CCDC149: variants seen among roughly 807,000 people sequenced by gnomAD.
The protein encoded by CCDC149 is coiled-coil domain-containing protein 149.
In CCDC149, 45 loss-of-function variants were observed where a neutral mutation model predicts 59.9. The ratio of observed to expected loss-of-function variants is 0.75; its 90% CI spans 0.59 to 0.96. The LOEUF is 0.96. Ranked by LOEUF, CCDC149 falls within the 40% of genes least tolerant of loss-of-function variation. CCDC149 has a pLI of 0.00. For missense variants in CCDC149, 584 were observed against 664.7 expected (o/e 0.88, Z 1.33); for synonymous variants, 245 against 260.6 (o/e 0.94, Z 0.58).
intron 1 of CCDC149, among the ~76,000 whole-genome samples, chr4:24,965,865 C>T (rs372383009): frequency 2.0e-5 from 3 of 152,198 alleles, no homozygotes; most frequent in Admixed American, 6.5e-5. Flanking sequence ...CGCAAAACCC[C>T]GCACGTTATG....
At chr4:24,901,105 C>A (rs537696774) in intron 1 of CCDC149, among the ~76,000 whole-genome samples, 10 of 152,242 alleles carry the variant, frequency 6.6e-5, no homozygotes, top group South Asian at 6.2e-4. Context: ...AAATATGATA[C>A]CCTGAACAGT....
chr4:24,874,501 G>A (rs1168545754), intron 2 of CCDC149, among the ~76,000 whole-genome samples: 2 of 151,970 alleles, frequency 1.3e-5, no homozygotes, highest in Non-Finnish European at 2.9e-5. Flanking sequence ...AGAATTGCTT[G>A]TACCCAGGAG....
intron 1 of CCDC149, among the ~76,000 whole-genome samples, chr4:24,943,810 C>G (rs1723020041): frequency 6.6e-6 from 1 of 152,150 alleles, no homozygotes; most frequent in Non-Finnish European, 1.5e-5. Flanking sequence ...ACACATGAAA[C>G]AATGCTCATC....
At chr4:24,813,489 A>AATATATCTATATCTATATCTATCTATCT (rs1186488610) in intron 12 of CCDC149, among the ~76,000 whole-genome samples, 1 of 113,734 alleles carries the variant, frequency 8.8e-6, no homozygotes, top group African/African-American at 4.0e-5. Flanking sequence ...CAGCTTGGGG[A>AATATATCTATATCTATATCTATCTATCT]ATATATATAT....
chr4:24,964,192 T>TAAAAAAAAAAA (rs377278394), intron 1 of CCDC149, among the ~76,000 whole-genome samples: 6 of 119,206 alleles, frequency 5.0e-5, no homozygotes, highest in African/African-American at 1.3e-4. Flanking sequence ...AGACCCTATC[T>TAAAAAAAAAAA]AAAAAAAAAA....
chr4:24,950,200 C>T (rs1355412069), intron 1 of CCDC149, among the ~76,000 whole-genome samples: 1 of 152,206 alleles, frequency 6.6e-6, no homozygotes, highest in Non-Finnish European at 1.5e-5. Context: ...AGTGAGAATG[C>T]AAAGGCTGTG....
At chr4:24,976,931 C>G (rs1337804770) in intron 1 of CCDC149, among the ~76,000 whole-genome samples, 1 of 152,120 alleles carries the variant, frequency 6.6e-6, no homozygotes, top group Non-Finnish European at 1.5e-5. Context: ...CTCTGCGCTT[C>G]CCAGGATGCC....
intron 1 of CCDC149, 44 bp from the exon 2 acceptor site, chr4:24,876,741 G>C: frequency 6.4e-7 from 1 of 1,556,952 alleles, no homozygotes; most frequent in Non-Finnish European, 8.7e-7. Context: ...AAACATCCAT[G>C]GGCCTCCATT....
At chr4:24,912,792 C>G in intron 1 of CCDC149, 25 bp downstream of exon 1, 3 of 1,303,602 alleles carry the variant, frequency 2.3e-6, no homozygotes, top group Non-Finnish European at 3.0e-6. Context: ...CGGCCCATCC[C>G]GCCTGGCCGG....
At chr4:24,949,996 G>C (rs1723237151) in intron 1 of CCDC149, among the ~76,000 whole-genome samples, 2 of 152,232 alleles carry the variant, frequency 1.3e-5, no homozygotes, top group Admixed American at 1.3e-4. Flanking sequence ...CCAAGGATCA[G>C]AGAGTTTGGC....
intron 1 of CCDC149, among the ~76,000 whole-genome samples, chr4:24,964,156 T>C (rs1723726477): frequency 6.9e-6 from 1 of 144,976 alleles, no homozygotes; most frequent in African/African-American, 2.6e-5. Context: ...ATCACACTAC[T>C]GTACTCTAGC....
At chr4:24,922,694 T>C (rs1248076407) in intron 1 of CCDC149, among the ~76,000 whole-genome samples, 2 of 152,142 alleles carry the variant, frequency 1.3e-5, no homozygotes, top group East Asian at 3.9e-4. Context: ...TTCAAGGAGA[T>C]ACTACAAAGG....
At chr4:24,838,492 C>A (rs1374461530) in intron 4 of CCDC149, among the ~76,000 whole-genome samples, 1 of 152,134 alleles carries the variant, frequency 6.6e-6, no homozygotes, top group Admixed American at 6.5e-5. Context: ...GGCCTGGGCA[C>A]TCTAGGCTGG....
intron 1 of CCDC149, among the ~76,000 whole-genome samples, chr4:24,891,907 G>C (rs1338505542): frequency 6.6e-6 from 1 of 152,096 alleles, no homozygotes; most frequent in Non-Finnish European, 1.5e-5. Flanking sequence ...GCTGAGGTGG[G>C]AGGATCCCTT....
In CCDC149 at chr4:24,806,437, A is replaced by C. The variant is rs1217547982; in HGVS notation, c.*1952T>G. 3 of 152,228 alleles carry C rather than the reference A, an allele frequency of 2.0e-5. No individual in the cohort carries two copies. The highest frequency in any genetic ancestry group is 4.4e-5 in the Non-Finnish European group (3 of 68,046). The allele number at this position is 152,228 out of a possible 1,614,324, so 9.4% of individuals were successfully genotyped here. A position where few individuals can be genotyped will look rare whatever the true frequency, so the allele number is the denominator to read the frequency against. On this transcript the variant is annotated 3_prime_UTR_variant, in exon 13 of 13. Coordinates refer to ENST00000635206, the MANE Select transcript of CCDC149 (RefSeq NM_001330643.2). ...GAGCCCTGCTTTTCAGAAGGTGCTC[A>C]ACAGGCCCTGAAGATGTGCATCTGG...
chr4:24,821,765 A>G (rs957971565), intron 10 of CCDC149, among the ~76,000 whole-genome samples: 7 of 152,212 alleles, frequency 4.6e-5, no homozygotes, highest in African/African-American at 1.7e-4. Flanking sequence ...AAGAGTAAAA[A>G]GTCAATGGGG....
intron 1 of CCDC149, among the ~76,000 whole-genome samples, chr4:24,948,915 G>A (rs1030210619): frequency 1.3e-5 from 2 of 152,138 alleles, no homozygotes; most frequent in African/African-American, 2.4e-5. Flanking sequence ...CTCTCTCTTT[G>A]CCATCCACTA....
intron 1 of CCDC149, among the ~76,000 whole-genome samples, chr4:24,911,573 C>G (rs998783445): frequency 1.3e-5 from 2 of 152,200 alleles, no homozygotes; most frequent in Admixed American, 6.5e-5. Context: ...CCCAGAGGAT[C>G]TGCCCCTTAA....
chr4:24,847,257 C>A (rs570951694), intron 4 of CCDC149, among the ~76,000 whole-genome samples: 2 of 152,294 alleles, frequency 1.3e-5, no homozygotes, highest in East Asian at 3.9e-4. Flanking sequence ...AATATGGGCG[C>A]ATGTTATGCT....
Sources: gnomAD v4.1 joint callset for allele counts (sites outside exome capture counted in the v4.1 genomes callset) on GRCh38, gnomAD v4.1.1 for gene constraint, MANE v1.5 for transcripts, NCBI Gene and HGNC (gene_info 2026-07-23, HGNC 2026-07-21) for gene names.